Variants in TMEM131 observed in about 807,000 individuals in gnomAD.
The protein encoded by TMEM131 is 2610524E03Rik.
In TMEM131, 66 loss-of-function variants were observed where a neutral mutation model predicts 211.6. The observed-to-expected ratio is 0.31, with a 90% CI of 0.26 to 0.38. The LOEUF (loss-of-function observed/expected upper bound fraction) is 0.38. Ranked by LOEUF, TMEM131 falls within the 10% of genes least tolerant of loss-of-function variation. The pLI is 1.00. For missense variants in TMEM131, 2,036 were observed against 2,299.3 expected, an observed-to-expected ratio of 0.89 and a Z score of 2.34; for synonymous variants, 844 against 841.3, an observed-to-expected ratio of 1.00 and a Z score of -0.06.
intron 2 of TMEM131, among the ~76,000 whole-genome samples, chr2:97,916,205 G>A (rs999275266): frequency 1.3e-5 from 2 of 152,176 alleles, no homozygotes; most frequent in Non-Finnish European, 2.9e-5. Context: ...CGTGGGCCAC[G>A]GCACCCAGCC....
At chr2:97,899,686 T>C (rs1324903509) in intron 3 of TMEM131, among the ~76,000 whole-genome samples, 2 of 152,128 alleles carry the variant, frequency 1.3e-5, no homozygotes, top group South Asian at 2.1e-4. Context: ...AATGAAACAA[T>C]GTCAGCATTT....
intron 18 of TMEM131, among the ~76,000 whole-genome samples, chr2:97,810,863 C>G (rs577495387): frequency 8.5e-5 from 13 of 152,290 alleles, no homozygotes; most frequent in African/African-American, 3.1e-4. Flanking sequence ...TCTGTTTAAG[C>G]AGGTTTCTAA....
At chr2:97,760,552 A>C (rs1678778184) in intron 38 of TMEM131, 41 bp downstream of exon 38, 12 of 1,561,954 alleles carry the variant, frequency 7.7e-6, no homozygotes, top group Non-Finnish European at 1.0e-5. Context: ...CGACTTGAGA[A>C]GCCTTCCGTC....
At chr2:97,773,579 A>C (rs1011464717) in intron 32 of TMEM131, among the ~76,000 whole-genome samples, 1 of 152,080 alleles carries the variant, frequency 6.6e-6, no homozygotes, top group Non-Finnish European at 1.5e-5. Flanking sequence ...ATCTGACTTC[A>C]TTGCAGCATC....
chr2:97,840,838 T>C (rs1420220295), intron 7 of TMEM131, among the ~76,000 whole-genome samples: 2 of 152,162 alleles, frequency 1.3e-5, no homozygotes, highest in Admixed American at 6.5e-5. Context: ...TGTTGCCAAG[T>C]GTTGGGGAGA....
At chr2:97,772,222 A>G in intron 33 of TMEM131, 75 bp downstream of exon 33, 2 of 1,558,030 alleles carry the variant, frequency 1.3e-6, no homozygotes, top group Non-Finnish European at 1.7e-6. Context: ...CCAAATGGCC[A>G]AATCAAAACA....
At chr2:97,875,126 T>C (rs528046511) in intron 4 of TMEM131, among the ~76,000 whole-genome samples, 51 of 152,276 alleles carry the variant, frequency 3.3e-4, no homozygotes, top group African/African-American at 1.2e-3. Flanking sequence ...AGAAGGGCAT[T>C]ATATAATGGT....
chr2:97,888,033 C>T lies in TMEM131; in HGVS notation c.359+19G>A, dbSNP rs756515870. On this transcript the variant is annotated intron_variant, in intron 4 of 40. Transcript: ENST00000186436. ...TAATAGTTTAATGGGAAAGTACAGT[C>T]CAAAAATTTTAAACTTACTGTTCAT... 4 of 1,603,692 alleles carry T rather than the reference C, an allele frequency of 2.5e-6. No homozygotes were observed. The South Asian group carries it at 4.4e-5, about 18-fold the overall frequency.
intron 1 of TMEM131, among the ~76,000 whole-genome samples, chr2:97,954,942 T>A (rs1678498009): frequency 1.3e-5 from 2 of 152,054 alleles, no homozygotes; most frequent in South Asian, 4.1e-4. Flanking sequence ...TAATCTAGTT[T>A]AAAAAAACAA....
chr2:97,943,952 C>T (rs750998648), intron 1 of TMEM131, among the ~76,000 whole-genome samples: 58 of 151,904 alleles, frequency 3.8e-4, no homozygotes, highest in Non-Finnish European at 6.9e-4. Context: ...CATGGTGGTG[C>T]GCGCCTGTAG....
At chr2:97,813,927 G>A in intron 15 of TMEM131, 44 bp downstream of exon 15, 1 of 1,426,466 alleles carries the variant, frequency 7.0e-7, no homozygotes, top group South Asian at 1.3e-5. Flanking sequence ...AAACATTAAA[G>A]GTGGGCAGGG....
chr2:97,978,907 T>C (rs1679664724), intron 1 of TMEM131, among the ~76,000 whole-genome samples: 1 of 152,238 alleles, frequency 6.6e-6, no homozygotes, highest in Non-Finnish European at 1.5e-5. Flanking sequence ...GGACTCAGTC[T>C]CTGTGGCAGC....
intron 1 of TMEM131, among the ~76,000 whole-genome samples, chr2:97,968,956 AC>A (rs1679177420): frequency 6.6e-6 from 1 of 151,678 alleles, no homozygotes; most frequent in Non-Finnish European, 1.5e-5. Context: ...CTGGAGGCGC[AC>A]CTCTAGTCTT....
chr2:97,931,536 T>A (rs1677217158), intron 1 of TMEM131, among the ~76,000 whole-genome samples: 1 of 152,220 alleles, frequency 6.6e-6, no homozygotes, highest in African/African-American at 2.4e-5. Flanking sequence ...TTTGCAATTT[T>A]AATACATCTA....
intron 4 of TMEM131, among the ~76,000 whole-genome samples, chr2:97,873,664 A>G (rs912208207): frequency 2.8e-4 from 43 of 152,232 alleles, no homozygotes; most frequent in African/African-American, 9.6e-4. Context: ...GGAGCCTGTC[A>G]GAAGGAAAAC....
At chr2:97,927,338 G>T (rs1677033940) in intron 2 of TMEM131, 88 bp downstream of exon 2, 1 of 1,008,414 alleles carries the variant, frequency 9.9e-7, no homozygotes, top group Non-Finnish European at 1.4e-6. Flanking sequence ...ATATATTTCA[G>T]ATAAACCAAT....
intron 2 of TMEM131, among the ~76,000 whole-genome samples, chr2:97,922,899 C>T (rs1257303981): frequency 6.6e-6 from 1 of 152,056 alleles, no homozygotes. Context: ...ACAATAAACA[C>T]TTTAAAGAAA....
At chr2:97,974,331 A>C (rs900544980) in intron 1 of TMEM131, among the ~76,000 whole-genome samples, 2 of 152,154 alleles carry the variant, frequency 1.3e-5, no homozygotes, top group African/African-American at 4.8e-5. Flanking sequence ...TAAACAGTGC[A>C]ATGTGCTGTG....
chr2:97,799,390 T>C (rs1387620000), intron 25 of TMEM131, among the ~76,000 whole-genome samples: 2 of 152,246 alleles, frequency 1.3e-5, no homozygotes, highest in Non-Finnish European at 2.9e-5. Flanking sequence ...ACCATGTTGT[T>C]TTGAAAAGCT....
Sources: allele counts gnomAD v4.1 joint callset (sites outside exome capture counted in the v4.1 genomes callset), GRCh38; gene constraint gnomAD v4.1.1; transcripts MANE v1.5; gene names NCBI Gene and HGNC (gene_info 2026-07-23, HGNC 2026-07-21).